SLC28A1: variants seen among roughly 807,000 people sequenced by gnomAD.
The protein encoded by SLC28A1 is sodium/nucleoside cotransporter 1.
A neutral mutation model predicts 74.8 loss-of-function variants in SLC28A1; 64 were observed. The ratio of observed to expected loss-of-function variants is 0.86; its 90% confidence interval spans 0.70 to 1.05. The LOEUF (loss-of-function observed/expected upper bound fraction) is 1.05, where lower values mean the gene tolerates loss of function less well. SLC28A1 is among the 50% of genes least tolerant of loss of function. The pLI, the probability that SLC28A1 is intolerant of heterozygous loss-of-function variation, is 0.00. For missense variants in SLC28A1, 828 were observed against 822.8 expected, an observed-to-expected ratio of 1.01 and a Z score of -0.08; for synonymous variants, 359 against 335.0, an observed-to-expected ratio of 1.07 and a Z score of -0.78.
rs1349149958 is a variant in SLC28A1 at position 84,889,670 on chromosome 15, T to C, written c.186-773T>C. On this transcript the variant is annotated intron_variant, in intron 4 of 18. Transcript: ENST00000394573. ...TTTCCTTTTTCTTTTCTTTCCTTCC[T>C]TCCTTCTTTCCTTCCTTCCTTCTTT... 5.4e-5 allele frequency among the ~76,000 whole-genome samples: 6 copies of C among 110,268 alleles called. 1 individual carries two copies. The highest frequency in any genetic ancestry group is 2.3e-4 in the African/African-American group (6 of 26,640). The allele number at this position is 110,268 out of a possible 152,430, so 72.3% of individuals were successfully genotyped here.
intron 11 of SLC28A1, among the ~76,000 whole-genome samples, chr15:84,921,987 G>C (rs1362993049): frequency 2.0e-5 from 3 of 152,224 alleles, no homozygotes; most frequent in Admixed American, 1.3e-4. Flanking sequence ...GCGCTGCCAA[G>C]GTGAATTCAC....
rs1055454850 is a variant in SLC28A1 at position 84,887,412 on chromosome 15, G to A, written c.-16-333G>A. The A allele has an allele frequency of 3.0e-6, 3 of 984,746 alleles. No individual in the cohort carries two copies. The African/African-American group carries it at 5.2e-5, about 17-fold the overall frequency. 61.0% of individuals were successfully genotyped at this position (984,746 alleles called of 1,614,324 possible). A position where few individuals can be genotyped will look rare whatever the true frequency, so the allele number is the denominator to read the frequency against. On this transcript the variant is annotated intron_variant, in intron 2 of 18. Transcript: ENST00000394573. ...TTCAGATGTGGGTGCAGGCTGGGGTGGTGGCGCACGCCTGTAATCCCAACA... is the reference window on the plus strand; with the variant it reads ...TTCAGATGTGGGTGCAGGCTGGGGTAGTGGCGCACGCCTGTAATCCCAACA...
intron 2 of SLC28A1, 46 bp from the exon 3 acceptor site, chr15:84,887,699 C>G: frequency 2.5e-6 from 4 of 1,591,676 alleles, no homozygotes; most frequent in Non-Finnish European, 3.4e-6. Context: ...CTGGGCCCTG[C>G]CCGGCCTCCC....
At chr15:84,940,093 G>T (rs1972469547) in intron 15 of SLC28A1, among the ~76,000 whole-genome samples, 1 of 152,156 alleles carries the variant, frequency 6.6e-6, no homozygotes, top group African/African-American at 2.4e-5. Flanking sequence ...CTCCTAAATT[G>T]CTGGGATTAC....
intron 3 of SLC28A1, among the ~76,000 whole-genome samples, chr15:84,888,395 A>G (rs1438132876): frequency 2.3e-5 from 3 of 132,166 alleles, no homozygotes; most frequent in Non-Finnish European, 4.9e-5. Context: ...ATGCAAGAAT[A>G]CCCACCCCCC....
chr15:84,885,003 G>T (rs1482343028), intron 1 of SLC28A1, among the ~76,000 whole-genome samples: 2 of 152,166 alleles, frequency 1.3e-5, no homozygotes, highest in African/African-American at 4.8e-5. Flanking sequence ...CTGTTGCCGA[G>T]GCTGGAGTGC....
At chr15:84,929,231 C>T (rs28375890) in intron 12 of SLC28A1, among the ~76,000 whole-genome samples, 1 of 151,778 alleles carries the variant, frequency 6.6e-6, no homozygotes, top group East Asian at 1.9e-4. Context: ...TTAATTTAAC[C>T]TATTTCTTTT....
chr15:84,937,065 AAG>A (rs765172424), intron 15 of SLC28A1, among the ~76,000 whole-genome samples: 2 of 125,498 alleles, frequency 1.6e-5, no homozygotes, highest in African/African-American at 3.1e-5. Context: ...AAAAAAAAAA[AAG>A]GGAAAGCAAG....
chr15:84,908,898 G>T, intron 9 of SLC28A1, 103 bp downstream of exon 9: 1 of 947,348 alleles, frequency 1.1e-6, no homozygotes, highest in South Asian at 1.3e-5. Context: ...GAGGGGAGGA[G>T]TCCTGTGGGC....
intron 12 of SLC28A1, among the ~76,000 whole-genome samples, chr15:84,925,468 T>A (rs1437696590): frequency 6.6e-6 from 1 of 152,066 alleles, no homozygotes; most frequent in Admixed American, 6.6e-5. Context: ...GCCGTGGTGG[T>A]GGGTGCTTGT....
rs760883725 is a variant in SLC28A1 at position 84,905,589 on chromosome 15, A to T, written c.654A>T (p.Gly218=). The part of the protein sequence containing the change: ...SWGLGLQFVL[G]LLVIRTEPGF... Reference sequence around the variant, plus strand: ...GACTTGGACTGCAGTTTGTACTTGGACTCCTCGTCATCAGAACAGAACCAG... The same window carrying T: ...GACTTGGACTGCAGTTTGTACTTGGTCTCCTCGTCATCAGAACAGAACCAG... The change falls in exon 8 of 19, where the codon GGA becomes GGT. Residue 218 remains glycine (G), a synonymous_variant. Coordinates refer to ENST00000394573, the MANE Select transcript of SLC28A1 (RefSeq NM_004213.5). 1 of 1,613,632 alleles carries T rather than the reference A, an allele frequency of 6.2e-7. No individual in the cohort carries two copies. Among genetic ancestry groups the T allele is most frequent in the South Asian group, 1.1e-5 (1 of 91,052 alleles).
rs1486037169 is a variant in SLC28A1 at position 84,887,856 on chromosome 15, G to A, written c.96G>A (p.Leu32=). ...ENMGADFLES[L]EEGQLPRSDL... ...TGGGGGCTGATTTCTTGGAAAGCCT[G>A]GTCTGTACCCTTCCCCATCAGTCAT... Residue 32 remains leucine, a splice_region_variant and synonymous_variant, in exon 3 of 19, where the codon CTG becomes CTA. Coordinates refer to ENST00000394573, the MANE Select transcript of SLC28A1 (RefSeq NM_004213.5). 1.9e-6 allele frequency: 3 copies of A among 1,607,584 alleles called. No individual in the cohort carries two copies. The East Asian group carries it at 6.7e-5, about 36-fold the overall frequency.
chr15:84,918,463 G>T (rs887922727), intron 9 of SLC28A1, 61 bp from the exon 10 acceptor site: 2 of 1,363,878 alleles, frequency 1.5e-6, no homozygotes, highest in Non-Finnish European at 2.1e-6. Context: ...CCTGGGCCCC[G>T]CCTGGCACCC....
chr15:84,912,804 G>GTGCA lies in SLC28A1; in HGVS notation c.795+4009_795+4010insTGCA, dbSNP rs1289771401. 2.0e-4 allele frequency among the ~76,000 whole-genome samples: 12 copies of GTGCA among 58,706 alleles called. No homozygotes were observed. The East Asian group carries it at 2.2e-3, about 11-fold the overall frequency. 38.5% of individuals were successfully genotyped at this position (58,706 alleles called of 152,430 possible). On this transcript the variant is annotated intron_variant, in intron 9 of 18. Coordinates refer to ENST00000394573, the MANE Select transcript of SLC28A1 (RefSeq NM_004213.5). ...GTCAACAGTGCCAAATTTTGCGCGCGCGCACACACACACACACACACACAC... is the reference window on the plus strand; with the variant it reads ...GTCAACAGTGCCAAATTTTGCGCGCGTGCACGCACACACACACACACACACACAC...
chr15:84,916,853 C>T (rs1182935780), intron 9 of SLC28A1, among the ~76,000 whole-genome samples: 1 of 151,992 alleles, frequency 6.6e-6, no homozygotes, highest in East Asian at 1.9e-4. Context: ...CATGGTGAAA[C>T]CTTGTCTCTA....
At chr15:84,897,114 C>A (rs188006733) in intron 6 of SLC28A1, among the ~76,000 whole-genome samples, 3 of 151,610 alleles carry the variant, frequency 2.0e-5, no homozygotes, top group Admixed American at 2.0e-4. Flanking sequence ...CGGTGGCTCA[C>A]GCCTGTAATC....
At chr15:84,962,637 C>T in the SLC28A1 span, among the ~76,000 whole-genome samples, 128 of 152,138 alleles carry the variant, frequency 8.4e-4, 1 homozygote, top group African/African-American at 3.0e-3. Flanking sequence ...TGGGGTTTCA[C>T]CATGTTGCCC....
At position 84,944,699 on chromosome 15, in the gene SLC28A1, C is replaced by G. The variant is rs751883212; in HGVS notation, c.1762+35C>G. 3 of 1,593,928 alleles carry G rather than the reference C, an allele frequency of 1.9e-6. No individual in the cohort carries two copies. In the Admixed American group the frequency reaches 5.1e-5, roughly 27 times the overall value. ...GGCCTGGCAGGCTCAGAAGGTGGAA[C>G]CCTGACTTTCTGGCTAGCCCGGGGG... On this transcript the variant is annotated intron_variant, in intron 17 of 18. Coordinates refer to ENST00000394573, the MANE Select transcript of SLC28A1 (RefSeq NM_004213.5).
At position 84,887,752 on chromosome 15, in the gene SLC28A1, G is replaced by T. The variant is rs775687542; in HGVS notation, c.-9G>T. On this transcript the variant is annotated 5_prime_UTR_variant, in exon 3 of 19. Transcript: ENST00000394573. Reference sequence around the variant, plus strand: ...CCCTGATTTGTCTTTCAGCTGGAAGGTCTGGGACATGGAGAACGACCCCTC... The same window carrying T: ...CCCTGATTTGTCTTTCAGCTGGAAGTTCTGGGACATGGAGAACGACCCCTC... 1.2e-6 allele frequency: 2 copies of T among 1,613,742 alleles called. No homozygotes were observed.
Sources: allele counts gnomAD v4.1 joint callset (sites outside exome capture counted in the v4.1 genomes callset), GRCh38; gene constraint gnomAD v4.1.1; transcripts MANE v1.5; gene names NCBI Gene and HGNC (gene_info 2026-07-23, HGNC 2026-07-21).